LRRIQ1: variants seen among roughly 807,000 people sequenced by gnomAD.
The protein encoded by LRRIQ1 is leucine-rich repeat- and IQ domain-containing protein 1.
A neutral mutation model predicts 211.9 loss-of-function variants in LRRIQ1; 210 were observed. The ratio of observed to expected loss-of-function variants is 0.99; its 90% CI spans 0.89 to 1.11. LRRIQ1 has a LOEUF of 1.11. Among genes scored for constraint, LRRIQ1 ranks in the 50% most tolerant of loss-of-function variants. LRRIQ1 has a pLI of 0.00. For synonymous variants in LRRIQ1, 699 were observed against 650.1 expected, an observed-to-expected ratio of 1.08 and a Z score of -1.14; for missense variants, 2,136 against 1,939.5, an observed-to-expected ratio of 1.10 and a Z score of -1.90.
chr12:85,076,791 T>C (rs1048733902), intron 11 of LRRIQ1, among the ~76,000 whole-genome samples: 6 of 152,056 alleles, frequency 3.9e-5, no homozygotes, highest in Non-Finnish European at 7.4e-5. Flanking sequence ...TTTTTTTTTT[T>C]TTTGGAGTCC....
At position 85,083,823 on chromosome 12, in the gene LRRIQ1, T is replaced by A. The variant is rs4761076; in HGVS notation, c.2887+10725T>A. Among the ~76,000 whole-genome samples, 113 of 152,338 alleles carry A rather than the reference T, an allele frequency of 7.4e-4. 1 individual carries two copies. Among genetic ancestry groups the A allele is most frequent in the Admixed American group, 2.4e-3 (37 of 15,302 alleles). On this transcript the variant is annotated intron_variant, in intron 11 of 26. Coordinates refer to ENST00000393217, the MANE Select transcript of LRRIQ1 (RefSeq NM_001079910.2). ...GATAAAGCAGTAATCTATAATTGTG[T>A]CATCCAGATACAGCCAGTATGTATG...
At chr12:85,249,172 G>A (rs536713076), downstream of LRRIQ1, among the ~76,000 whole-genome samples, 7 of 151,830 alleles carry the variant, frequency 4.6e-5, no homozygotes, top group South Asian at 2.1e-4. Flanking sequence ...GAAATAGATT[G>A]CTAGGAGTTC....
At chr12:85,114,978 T>A (rs899862692) in intron 15 of LRRIQ1, among the ~76,000 whole-genome samples, 14 of 152,190 alleles carry the variant, frequency 9.2e-5, no homozygotes, top group Non-Finnish European at 1.6e-4. Context: ...TACTTTCATG[T>A]CTAGCCAGTG....
intron 24 of LRRIQ1, among the ~76,000 whole-genome samples, chr12:85,179,968 A>G (rs1891898351): frequency 6.6e-6 from 1 of 151,960 alleles, no homozygotes. Context: ...CATCTATACT[A>G]GGCACTCAAT....
At chr12:85,247,490 T>G (rs1032442649), downstream of LRRIQ1, among the ~76,000 whole-genome samples, 1 of 151,658 alleles carries the variant, frequency 6.6e-6, no homozygotes, top group Non-Finnish European at 1.5e-5. Context: ...ATCAGATAAA[T>G]TCAGATTTAA....
chr12:85,133,900 A>G (rs1451979843), intron 18 of LRRIQ1, among the ~76,000 whole-genome samples: 1 of 152,150 alleles, frequency 6.6e-6, no homozygotes, highest in African/African-American at 2.4e-5. Context: ...ATTAATAAGC[A>G]TAATTAAGGA....
At chr12:85,190,307 A>G (rs913704375) in intron 24 of LRRIQ1, among the ~76,000 whole-genome samples, 7 of 136,706 alleles carry the variant, frequency 5.1e-5, no homozygotes, top group Admixed American at 7.9e-5. Context: ...TATGTTATTA[A>G]CTGTAACTAT....
chr12:85,060,104 T>C (rs541074021), intron 8 of LRRIQ1, among the ~76,000 whole-genome samples: 1 of 152,022 alleles, frequency 6.6e-6, no homozygotes, highest in Non-Finnish European at 1.5e-5. Flanking sequence ...GGAACAGCAA[T>C]ATCTATTATA....
At chr12:85,121,616 A>T in intron 15 of LRRIQ1, 81 bp from the exon 16 acceptor site, 1 of 978,304 alleles carries the variant, frequency 1.0e-6, no homozygotes, top group Non-Finnish European at 1.4e-6. Flanking sequence ...TGTATTATTT[A>T]AATGATTAGT....
intron 11 of LRRIQ1, among the ~76,000 whole-genome samples, chr12:85,096,586 T>C (rs896228492): frequency 1.3e-5 from 2 of 152,180 alleles, no homozygotes; most frequent in Non-Finnish European, 2.9e-5. Flanking sequence ...AGTATGAATT[T>C]GACCTTAGCA....
intron 22 of LRRIQ1, 78 bp from the exon 23 acceptor site, chr12:85,153,934 G>A: frequency 2.0e-6 from 2 of 1,018,930 alleles, no homozygotes; most frequent in Non-Finnish European, 2.8e-6. Context: ...ATTCAGATAT[G>A]CATGTCTATT....
In LRRIQ1 at chr12:85,055,975, A is replaced by G. The variant is rs1201814684; in HGVS notation, c.1182A>G (p.Leu394=). 6.2e-7 allele frequency: 1 copy of G among 1,609,754 alleles called. No individual in the cohort carries two copies. Among genetic ancestry groups the G allele is most frequent in the Admixed American group, 1.7e-5 (1 of 59,662 alleles). ...TAAGAGAAGATGCAAGCCAACAGCT[A>G]ATAATAAGTAGTGCATTAAAGAAGA... ...IILREDASQQ[L]IISSALKKSG... The change falls in exon 8 of 27, where the codon CTA becomes CTG. Residue 394 remains leucine (L), a synonymous_variant. Coordinates refer to ENST00000393217, the MANE Select transcript of LRRIQ1 (RefSeq NM_001079910.2).
chr12:85,100,275 A>T (rs1886247149), intron 13 of LRRIQ1, among the ~76,000 whole-genome samples: 2 of 151,752 alleles, frequency 1.3e-5, no homozygotes, highest in African/African-American at 4.8e-5. Flanking sequence ...AAGTTATCAA[A>T]GATAGTCTAT....
rs533149159 is a variant in LRRIQ1 at position 85,064,383 on chromosome 12, A to G, written c.2392-879A>G. The stretch of plus-strand genomic sequence containing the variant: ...AGATTGGATTATGAGACTTTTTCCT[A>G]TTGAGTTGTTTGAGCTTCTTATATA... On this transcript the variant is annotated intron_variant, in intron 8 of 26. Coordinates refer to ENST00000393217, the MANE Select transcript of LRRIQ1 (RefSeq NM_001079910.2). Among the ~76,000 whole-genome samples, 25 of 151,728 alleles carry G rather than the reference A, an allele frequency of 1.6e-4. No homozygotes were observed. In the South Asian group the frequency reaches 4.6e-3, roughly 28 times the overall value.
intron 18 of LRRIQ1, among the ~76,000 whole-genome samples, chr12:85,134,402 G>A (rs1888979092): frequency 6.6e-6 from 1 of 152,018 alleles, no homozygotes; most frequent in South Asian, 2.1e-4. Flanking sequence ...GTTCCCTTGT[G>A]TATTTTATTT....
At chr12:85,178,657 C>A (rs1161620078) in intron 24 of LRRIQ1, among the ~76,000 whole-genome samples, 1 of 151,964 alleles carries the variant, frequency 6.6e-6, no homozygotes, top group Non-Finnish European at 1.5e-5. Flanking sequence ...TCCCTTACAT[C>A]TTCGCTTCCA....
chr12:85,160,953 T>A (rs536711718), intron 24 of LRRIQ1, among the ~76,000 whole-genome samples: 21 of 152,190 alleles, frequency 1.4e-4, no homozygotes, highest in African/African-American at 4.1e-4. Flanking sequence ...TTAATTTTTT[T>A]ATTTATATAT....
chr12:85,113,275 T>C (rs2136363457), intron 15 of LRRIQ1, among the ~76,000 whole-genome samples: 1 of 152,290 alleles, frequency 6.6e-6, no homozygotes, highest in African/African-American at 2.4e-5. Flanking sequence ...TTAAAGGACA[T>C]ATATTCATTT....
intron 26 of LRRIQ1, among the ~76,000 whole-genome samples, chr12:85,235,795 A>G (rs1235815445): frequency 6.6e-6 from 1 of 152,092 alleles, no homozygotes; most frequent in African/African-American, 2.4e-5. Context: ...AAGAAATCTC[A>G]TCCAATATTA....
Sources: allele counts gnomAD v4.1 joint callset (sites outside exome capture counted in the v4.1 genomes callset), GRCh38; gene constraint gnomAD v4.1.1; transcripts MANE v1.5; gene names NCBI Gene and HGNC (gene_info 2026-07-23, HGNC 2026-07-21).